Variants in EEF1AKMT1 observed in about 807,000 individuals in gnomAD.
EEF1AKMT1 encodes the protein EEF1A lysine methyltransferase 1.
A neutral mutation model predicts 21.0 loss-of-function variants in EEF1AKMT1; 18 were observed. The ratio of observed to expected loss-of-function variants is 0.86; its 90% CI spans 0.59 to 1.27. The LOEUF is 1.27. Ranked by LOEUF, EEF1AKMT1 falls within the 50% of genes most tolerant of loss-of-function variation. EEF1AKMT1 has a pLI of 0.00. For missense variants in EEF1AKMT1, 246 were observed against 258.6 expected, an observed-to-expected ratio of 0.95 and a Z score of 0.33; for synonymous variants, 109 against 94.8, an observed-to-expected ratio of 1.15 and a Z score of -0.87.
chr13:20,773,014 A>G (rs915934889), intron 1 of EEF1AKMT1, among the ~76,000 whole-genome samples: 2 of 152,140 alleles, frequency 1.3e-5, no homozygotes, highest in African/African-American at 4.8e-5. Context: ...GATATTCTCC[A>G]AATACTTTTT....
At chr13:20,738,823 G>C (rs1269075598) in intron 2 of EEF1AKMT1, among the ~76,000 whole-genome samples, 4 of 152,214 alleles carry the variant, frequency 2.6e-5, no homozygotes, top group African/African-American at 9.6e-5. Flanking sequence ...GTGTTGGGAG[G>C]ATTGAGGGAT....
At chr13:20,739,465 G>T (rs1441975316) in intron 2 of EEF1AKMT1, among the ~76,000 whole-genome samples, 1 of 152,196 alleles carries the variant, frequency 6.6e-6, no homozygotes, top group African/African-American at 2.4e-5. Flanking sequence ...AGAGCTGATT[G>T]GCCCATTTTA....
chr13:20,729,602 C>T (rs977036476), intron 4 of EEF1AKMT1, among the ~76,000 whole-genome samples: 2 of 151,980 alleles, frequency 1.3e-5, no homozygotes, highest in Non-Finnish European at 2.9e-5. Context: ...CAGTAATATC[C>T]AATCTTGCAA....
At chr13:20,766,349 T>C (rs2059032898) in intron 1 of EEF1AKMT1, among the ~76,000 whole-genome samples, 1 of 142,672 alleles carries the variant, frequency 7.0e-6, no homozygotes, top group East Asian at 2.1e-4. Flanking sequence ...AAAAGAAACA[T>C]GTAATAGAAA....
intron 1 of EEF1AKMT1, among the ~76,000 whole-genome samples, chr13:20,758,365 C>A (rs2058981988): frequency 6.6e-6 from 1 of 152,208 alleles, no homozygotes; most frequent in African/African-American, 2.4e-5. Flanking sequence ...GACCAGGAAG[C>A]CCTCCACTTC....
intron 2 of EEF1AKMT1, among the ~76,000 whole-genome samples, chr13:20,752,728 T>G (rs927493489): frequency 1.3e-5 from 2 of 152,164 alleles, no homozygotes; most frequent in African/African-American, 4.8e-5. Context: ...TGGTATTGAT[T>G]ATTCTTTTTA....
intron 2 of EEF1AKMT1, chr13:20,747,969 T>C: frequency 4.2e-6 from 1 of 239,948 alleles, no homozygotes; most frequent in Non-Finnish European, 8.3e-6. Flanking sequence ...ATTCACCAAC[T>C]GACATTTCAT....
intron 2 of EEF1AKMT1, among the ~76,000 whole-genome samples, chr13:20,749,494 G>A (rs779795489): frequency 2.0e-5 from 3 of 152,224 alleles, no homozygotes; most frequent in Admixed American, 2.0e-4. Flanking sequence ...CTCTTGAGAA[G>A]TACACAAGAG....
intron 2 of EEF1AKMT1, among the ~76,000 whole-genome samples, chr13:20,746,110 T>C (rs2141422794): frequency 6.7e-6 from 1 of 150,186 alleles, no homozygotes; most frequent in East Asian, 1.9e-4. Context: ...TATACATATA[T>C]ACATGTGGGT....
intron 2 of EEF1AKMT1, among the ~76,000 whole-genome samples, chr13:20,756,942 C>T (rs938382876): frequency 1.6e-4 from 25 of 152,166 alleles, no homozygotes; most frequent in African/African-American, 5.8e-4. Flanking sequence ...ACCTGCATCC[C>T]GTCTCTGCTG....
intron 1 of EEF1AKMT1, among the ~76,000 whole-genome samples, chr13:20,761,040 C>A (rs1480346267): frequency 4.6e-5 from 7 of 152,316 alleles, no homozygotes; most frequent in Non-Finnish European, 7.3e-5. Flanking sequence ...CATTGTCAAA[C>A]CAGGAAATGA....
rs151237457 is a variant in EEF1AKMT1, at chr13:20,764,647, T to C, written c.-19-7030A>G. 1.5e-3 allele frequency among the ~76,000 whole-genome samples: 230 copies of C among 152,278 alleles called. 1 individual carries two copies. Among genetic ancestry groups the C allele is most frequent in the African/African-American group, 5.3e-3 (219 of 41,538 alleles). On this transcript the variant is annotated intron_variant, in intron 1 of 4. Coordinates refer to ENST00000382758, the MANE Select transcript of EEF1AKMT1 (RefSeq NM_001318939.2). ...ATTTGTCTGTTTCCTTTCAGTTCTA[T>C]CAGTTTTTATTTCATGCTTCATGTA...
intron 1 of EEF1AKMT1, among the ~76,000 whole-genome samples, chr13:20,765,864 T>C (rs2059028110): frequency 6.6e-6 from 1 of 151,948 alleles, no homozygotes; most frequent in Non-Finnish European, 1.5e-5. Context: ...TAATCAAACA[T>C]CATATGACAA....
At chr13:20,766,996 T>G (rs542582899) in intron 1 of EEF1AKMT1, among the ~76,000 whole-genome samples, 230 of 152,214 alleles carry the variant, frequency 1.5e-3, no homozygotes, top group Non-Finnish European at 2.9e-3. Context: ...TAACTCCTCA[T>G]TCTGTTGTAT....
chr13:20,773,317 G>A (rs1230641209), intron 1 of EEF1AKMT1, among the ~76,000 whole-genome samples: 1 of 152,118 alleles, frequency 6.6e-6, no homozygotes, highest in Admixed American at 6.5e-5. Flanking sequence ...GTAGGGACCC[G>A]CTATCGTCCC....
rs1467016616 is a variant in EEF1AKMT1, at chr13:20,728,982, G to T, written c.*98C>A. 7 of 1,474,912 alleles carry T rather than the reference G, an allele frequency of 4.7e-6. No homozygotes were observed. Among genetic ancestry groups the T allele is most frequent in the Non-Finnish European group, 6.6e-6 (7 of 1,066,616 alleles). 91.4% of individuals were successfully genotyped at this position (1,474,912 alleles called of 1,614,324 possible). A position where few individuals can be genotyped will look rare whatever the true frequency, so the allele number is the denominator to read the frequency against. On this transcript the variant is annotated 3_prime_UTR_variant, in exon 5 of 5. Coordinates refer to ENST00000382758, the MANE Select transcript of EEF1AKMT1 (RefSeq NM_001318939.2). ...ACCAGGCCAGGGACAGCTCCAGTTT[G>T]GGGGGAGGGGAAGAGATTATAACTT...
rs34574835 is a variant in EEF1AKMT1, at chr13:20,764,880, A to AACACACACACACACACACAC, written c.-19-7283_-19-7264dup. 1.4e-4 allele frequency among the ~76,000 whole-genome samples: 19 copies of AACACACACACACACACACAC among 139,902 alleles called. No individual in the cohort carries two copies. In the East Asian group the frequency reaches 2.2e-3, roughly 16 times the overall value. 91.8% of individuals were successfully genotyped at this position (139,902 alleles called of 152,430 possible). On this transcript the variant is annotated intron_variant, in intron 1 of 4. Coordinates refer to ENST00000382758, the MANE Select transcript of EEF1AKMT1 (RefSeq NM_001318939.2). Reference sequence around the variant, plus strand: ...ATATTTTCCCCTTCCTTTCACTTTCAACACACACACACACACACACACACA... The same window carrying AACACACACACACACACACAC: ...ATATTTTCCCCTTCCTTTCACTTTCAACACACACACACACACACACACACACACACACACACACACACACA...
chr13:20,737,876 T>C, intron 2 of EEF1AKMT1, 71 bp from the exon 3 acceptor site: 1 of 1,006,180 alleles, frequency 9.9e-7, no homozygotes, highest in South Asian at 1.5e-5. Context: ...TTATATATAA[T>C]CTATACCAGT....
intron 1 of EEF1AKMT1, among the ~76,000 whole-genome samples, chr13:20,773,268 TAAGG>T (rs1348092785): frequency 1.3e-5 from 2 of 152,120 alleles, no homozygotes; most frequent in Non-Finnish European, 2.9e-5. Context: ...ACAACCCCTA[TAAGG>T]AAGGCCTTCC....
Sources: gnomAD v4.1 joint callset for allele counts (sites outside exome capture counted in the v4.1 genomes callset) on GRCh38, gnomAD v4.1.1 for gene constraint, MANE v1.5 for transcripts, NCBI Gene and HGNC (gene_info 2026-07-23, HGNC 2026-07-21) for gene names.